DPY19L3: variants seen among roughly 807,000 people sequenced by gnomAD.
DPY19L3 encodes protein C-mannosyl-transferase DPY19L3.
DPY19L3 carries 51 observed loss-of-function variants against 92.3 expected under a neutral mutation model. The ratio of observed to expected loss-of-function variants is 0.55; its 90% confidence interval spans 0.44 to 0.70. The LOEUF (loss-of-function observed/expected upper bound fraction) is 0.70, where lower values mean the gene tolerates loss of function less well. DPY19L3 is among the 30% of genes least tolerant of loss of function. The probability of loss-of-function intolerance (pLI) is 0.00; values close to 1 mark genes in which losing one functional copy is unlikely to be tolerated. For missense variants in DPY19L3, 706 were observed against 855.9 expected, an observed-to-expected ratio of 0.82 and a Z score of 2.18; for synonymous variants, 309 against 315.2, an observed-to-expected ratio of 0.98 and a Z score of 0.21.
chr19:32,449,615 G>A (rs1349082535), intron 8 of DPY19L3, among the ~76,000 whole-genome samples: 2 of 152,058 alleles, frequency 1.3e-5, no homozygotes, highest in Admixed American at 6.5e-5. Flanking sequence ...AAATAAACCT[G>A]CACAAGAAAT....
intron 8 of DPY19L3, among the ~76,000 whole-genome samples, chr19:32,450,109 T>G (rs1408290379): frequency 6.6e-6 from 1 of 152,118 alleles, no homozygotes; most frequent in African/African-American, 2.4e-5. Flanking sequence ...GTAAGATACA[T>G]AAATGTCCAA....
In DPY19L3 at chr19:32,424,070, C is replaced by T. The variant is rs145340281; in HGVS notation, c.238-8646C>T. On this transcript the variant is annotated intron_variant, in intron 3 of 18. Transcript: ENST00000392250. ...GTGGCTCACAGCTGTCGTCTCAGCA[C>T]TCTGGAGGGCAAAAGGTGGGAGGAT... 6.7e-4 allele frequency among the ~76,000 whole-genome samples: 102 copies of T among 151,680 alleles called. 2 individuals are homozygous for T. In the East Asian group the frequency reaches 0.018, roughly 27 times the overall value.
intron 3 of DPY19L3, among the ~76,000 whole-genome samples, chr19:32,423,463 C>T (rs541881820): frequency 1.3e-4 from 11 of 84,546 alleles, no homozygotes; most frequent in African/African-American, 2.1e-4. Flanking sequence ...TCAGGCTGTT[C>T]GAGACATGCC....
intron 9 of DPY19L3, among the ~76,000 whole-genome samples, chr19:32,454,185 A>G (rs1054611586): frequency 3.9e-5 from 6 of 152,204 alleles, no homozygotes; most frequent in Non-Finnish European, 5.9e-5. Context: ...GAAAACTATT[A>G]TATGTCAAAA....
At chr19:32,438,699 T>TA (rs1568338127) in intron 6 of DPY19L3, among the ~76,000 whole-genome samples, 2 of 152,104 alleles carry the variant, frequency 1.3e-5, no homozygotes, top group African/African-American at 2.4e-5. Flanking sequence ...GAAGTTTTTT[T>TA]AAAAAATACT....
chr19:32,424,289 C>T (rs1042352840), intron 3 of DPY19L3, among the ~76,000 whole-genome samples: 5 of 149,752 alleles, frequency 3.3e-5, no homozygotes, highest in African/African-American at 7.4e-5. Context: ...CACTGCACTC[C>T]GGTCTGGGCA....
intron 10 of DPY19L3, 37 bp downstream of exon 10, chr19:32,455,077 A>G (rs1460036248): frequency 7.8e-7 from 1 of 1,290,266 alleles, no homozygotes; most frequent in Admixed American, 2.6e-5. Flanking sequence ...ATGTATTTTT[A>G]ATTAACTTAT....
chr19:32,460,208 C>G lies in DPY19L3; in HGVS notation c.1322+1699C>G, dbSNP rs570167765. Among the ~76,000 whole-genome samples, 4 of 151,954 alleles carry G rather than the reference C, an allele frequency of 2.6e-5. No homozygotes were observed. In the East Asian group the frequency reaches 7.7e-4, roughly 29 times the overall value. ...TTAAGGCTAGGAGTTCTAGACCAGC[C>G]TGGGCAACATAGCAAGACCGCATCT... On this transcript the variant is annotated intron_variant, in intron 12 of 18. Transcript: ENST00000392250.
Position 32,430,346 on chromosome 19 carries a change from G to A in DPY19L3, c.238-2370G>A, listed in dbSNP as rs117323559. Among the ~76,000 whole-genome samples, 90 of 152,070 alleles carry A rather than the reference G, an allele frequency of 5.9e-4. No individual in the cohort carries two copies. In the East Asian group the frequency reaches 0.016, roughly 27 times the overall value. ...TACGATGAGCCGTGATCATGCCACCGTACTCAGCCTGGGTGACAGAGTGAG... is the reference window on the plus strand; with the variant it reads ...TACGATGAGCCGTGATCATGCCACCATACTCAGCCTGGGTGACAGAGTGAG... On this transcript the variant is annotated intron_variant, in intron 3 of 18. Coordinates refer to ENST00000392250, the MANE Select transcript of DPY19L3 (RefSeq NM_001172774.2).
intron 8 of DPY19L3, among the ~76,000 whole-genome samples, chr19:32,452,399 ACACT>A (rs1364258667): frequency 2.6e-5 from 4 of 152,224 alleles, no homozygotes; most frequent in African/African-American, 7.2e-5. Context: ...ATCTGGGCAC[ACACT>A]CACACAGACA....
chr19:32,407,287 C>A (rs1320482654), intron 1 of DPY19L3, among the ~76,000 whole-genome samples: 1 of 146,102 alleles, frequency 6.8e-6, no homozygotes, highest in Admixed American at 7.0e-5. Flanking sequence ...TTACTCCCAC[C>A]GACGCTCCCT....
intron 16 of DPY19L3, among the ~76,000 whole-genome samples, chr19:32,473,067 T>G: frequency 6.6e-6 from 1 of 152,256 alleles, no homozygotes; most frequent in Admixed American, 6.5e-5. Flanking sequence ...ATTATAATGC[T>G]CAGTTTCCCC....
rs534862888 is a variant in DPY19L3, at chr19:32,483,496, C to T, written c.*1256C>T. ...GATGGCTAATGGAATTAACTTTCTC[C>T]CCTGTTCTTGCCAGGTGGAAATGAT... On this transcript the variant is annotated 3_prime_UTR_variant, in exon 19 of 19. Coordinates refer to ENST00000392250, the MANE Select transcript of DPY19L3 (RefSeq NM_001172774.2). The T allele has an allele frequency of 7.2e-4, 110 of 152,602 alleles. No homozygotes were observed. The highest frequency in any genetic ancestry group is 2.5e-3 in the African/African-American group (105 of 41,512). The allele number at this position is 152,602 out of a possible 1,614,324, so 9.5% of individuals were successfully genotyped here.
intron 3 of DPY19L3, among the ~76,000 whole-genome samples, chr19:32,420,020 C>T (rs1034689175): frequency 5.9e-5 from 9 of 151,790 alleles, no homozygotes; most frequent in East Asian, 1.9e-4. Context: ...CCACCACGCC[C>T]GGCTAATTTT....
At chr19:32,418,131 A>G (rs1968438476) in intron 3 of DPY19L3, among the ~76,000 whole-genome samples, 1 of 152,198 alleles carries the variant, frequency 6.6e-6, no homozygotes. Context: ...CTCAGATACC[A>G]TCTGGGAAGC....
rs1970702394 is a variant in DPY19L3, at chr19:32,482,432, GTGTC to G, written c.*194_*197del. ...TACAAGCAGAAGTCTTTTTCGTTGTGTGTCTATCTTTCTCATTAATGTTCTTTAG... is the reference window on the plus strand; with the variant it reads ...TACAAGCAGAAGTCTTTTTCGTTGTGTATCTTTCTCATTAATGTTCTTTAG... On this transcript the variant is annotated 3_prime_UTR_variant, in exon 19 of 19. Transcript: ENST00000392250. 1 of 606,920 alleles carries G rather than the reference GTGTC, an allele frequency of 1.6e-6. No individual in the cohort carries two copies. Among genetic ancestry groups the G allele is most frequent in the Non-Finnish European group, 2.8e-6 (1 of 360,424 alleles). 37.6% of individuals were successfully genotyped at this position (606,920 alleles called of 1,614,324 possible). A position where few individuals can be genotyped will look rare whatever the true frequency, so the allele number is the denominator to read the frequency against.
At chr19:32,442,925 C>A (rs1037577753) in intron 8 of DPY19L3, among the ~76,000 whole-genome samples, 1 of 152,188 alleles carries the variant, frequency 6.6e-6, no homozygotes, top group Admixed American at 6.5e-5. Flanking sequence ...CCAGAACTTT[C>A]ACCATCTCCC....
At chr19:32,480,023 ATTTTAGTC>A (rs201812694) in intron 17 of DPY19L3, among the ~76,000 whole-genome samples, 2,135 of 152,224 alleles carry the variant, frequency 0.014, 55 homozygotes, top group African/African-American at 0.047. Flanking sequence ...TTAATGGGCC[ATTTTAGTC>A]TGGGGGTCCC....
intron 4 of DPY19L3, 136 bp from the exon 5 acceptor site, chr19:32,436,310 G>GT (rs761193594): frequency 1.6e-4 from 79 of 481,216 alleles, no homozygotes; most frequent in East Asian, 4.2e-4. Context: ...GCAGGAGTAT[G>GT]TTTTTTTTGC....
Sources: allele counts gnomAD v4.1 joint callset (sites outside exome capture counted in the v4.1 genomes callset), GRCh38; gene constraint gnomAD v4.1.1; transcripts MANE v1.5; gene names NCBI Gene and HGNC (gene_info 2026-07-23, HGNC 2026-07-21).